The following HCLS1 variants were observed in gnomAD, a reference collection of about 807,000 sequenced individuals.
HCLS1 encodes the protein hematopoietic cell-specific Lyn substrate 1, also known as hematopoietic lineage cell-specific protein.
HCLS1 carries 44 observed loss-of-function variants against 68.6 expected under a neutral mutation model. The ratio of observed to expected loss-of-function variants is 0.64; its 90% CI spans 0.50 to 0.82. The LOEUF (loss-of-function observed/expected upper bound fraction) is 0.82, where lower values mean the gene tolerates loss of function less well. Ranked by LOEUF, HCLS1 falls within the 40% of genes least tolerant of loss-of-function variation. The probability of loss-of-function intolerance (pLI) is 0.00; values close to 1 mark genes in which losing one functional copy is unlikely to be tolerated. For missense variants in HCLS1, 602 were observed against 612.1 expected, an observed-to-expected ratio of 0.98 and a Z score of 0.17; for synonymous variants, 217 against 225.8, an observed-to-expected ratio of 0.96 and a Z score of 0.35.
At chr3:121,635,237 T>TTCTCTCTCTCTCTCTCTCTCTC (rs201290743) in intron 9 of HCLS1, among the ~76,000 whole-genome samples, 137 of 114,440 alleles carry the variant, frequency 1.2e-3, no homozygotes, top group South Asian at 2.2e-3. Flanking sequence ...TCTCTCCCTT[T>TTCTCTCTCTCTCTCTCTCTCTC]TCTCTCTCTC....
At position 121,631,953 on chromosome 3, in the gene HCLS1, C is replaced by T. The variant is rs202175021; in HGVS notation, c.1354G>A (p.Asp452Asn). Residue 452 changes from aspartate (D) to asparagine (N), a missense_variant, in exon 14 of 14, where the codon GAC (aspartate) becomes AAC (asparagine). Physicochemically the swap from Asp to Asn is conservative, Grantham distance 23 (BLOSUM62 1). Transcript: ENST00000314583. ...EGSDELSFDP[D>N]DVITDIEMVD... ...ATCTCAATGTCAGTGATTACGTCGTCCGGATCAAAGGAAAGCTCATCACTT... is the reference window on the plus strand; with the variant it reads ...ATCTCAATGTCAGTGATTACGTCGTTCGGATCAAAGGAAAGCTCATCACTT... The T allele has an allele frequency of 6.2e-7, 1 of 1,614,204 alleles. No homozygotes were observed. Among genetic ancestry groups the T allele is most frequent in the African/African-American group, 1.3e-5 (1 of 75,060 alleles).
chr3:121,649,251 A>ATTG (rs1478296396), intron 3 of HCLS1, among the ~76,000 whole-genome samples: 1 of 151,940 alleles, frequency 6.6e-6, no homozygotes, highest in African/African-American at 2.4e-5. Flanking sequence ...TATTATTATT[A>ATTG]TTGAGACAGA....
chr3:121,639,563 T>TTG (rs1560139292), intron 6 of HCLS1, among the ~76,000 whole-genome samples: 13 of 146,528 alleles, frequency 8.9e-5, no homozygotes, highest in East Asian at 4.0e-4. Context: ...TGTTGTTGTT[T>TTG]TTTGAGACAG....
At chr3:121,657,514 T>C (rs1212606489) in intron 2 of HCLS1, among the ~76,000 whole-genome samples, 162 bp from the exon 3 acceptor site, 3 of 152,200 alleles carry the variant, frequency 2.0e-5, no homozygotes, top group East Asian at 3.9e-4. Context: ...CCTGACCCCA[T>C]GTAAGAATTA....
At chr3:121,653,699 G>A (rs1459442749) in intron 3 of HCLS1, 1 of 152,192 alleles carries the variant, frequency 6.6e-6, no homozygotes, top group Non-Finnish European at 1.5e-5. Flanking sequence ...CTATACTCTT[G>A]GCATTACACC....
rs572922480 is a variant in HCLS1, at chr3:121,647,952, G to A, written c.159-504C>T. Among the ~76,000 whole-genome samples the A allele has an allele frequency of 1.2e-4, 19 of 152,236 alleles. No individual in the cohort carries two copies. In the South Asian group the frequency reaches 1.9e-3, roughly 15 times the overall value. On this transcript the variant is annotated intron_variant, in intron 3 of 13. Coordinates refer to ENST00000314583, the MANE Select transcript of HCLS1 (RefSeq NM_005335.6). ...TCTAAATGATACTCATTGAAGCATC[G>A]TATATAATAGCAATAACTAAGAAAC...
In HCLS1 at chr3:121,632,704, A is replaced by G. The variant is rs530842399; in HGVS notation, c.1009-141T>C. On this transcript the variant is annotated intron_variant, in intron 11 of 13. Transcript: ENST00000314583. ...TCCATCTAACAGCCTCTCCTGGGGAACACAGCCTTTCATCCATCTTCATTC... is the reference window on the plus strand; with the variant it reads ...TCCATCTAACAGCCTCTCCTGGGGAGCACAGCCTTTCATCCATCTTCATTC... 110 of 690,962 alleles carry G rather than the reference A, an allele frequency of 1.6e-4. No individual in the cohort carries two copies. The South Asian group carries it at 2.0e-3, about 13-fold the overall frequency. The allele number at this position is 690,962 out of a possible 1,614,324, so 42.8% of individuals were successfully genotyped here. A position where few individuals can be genotyped will look rare whatever the true frequency, so the allele number is the denominator to read the frequency against.
chr3:121,649,646 A>C (rs556608997), intron 3 of HCLS1, among the ~76,000 whole-genome samples: 1 of 152,226 alleles, frequency 6.6e-6, no homozygotes, highest in African/African-American at 2.4e-5. Flanking sequence ...ATGTATGGAG[A>C]TAGAGGACAG....
chr3:121,640,046 A>C, intron 6 of HCLS1, among the ~76,000 whole-genome samples: 1 of 152,170 alleles, frequency 6.6e-6, no homozygotes, highest in East Asian at 1.9e-4. Flanking sequence ...GAGAAAAAAC[A>C]CAAGTAAGTA....
At chr3:121,632,029 CT>C (rs1339979830) in intron 13 of HCLS1, 47 bp from the exon 14 acceptor site, 3 of 1,613,884 alleles carry the variant, frequency 1.9e-6, no homozygotes, top group East Asian at 2.2e-5. Context: ...ACATGAATCT[CT>C]TTTCACATGT....
At chr3:121,632,676 G>C in intron 11 of HCLS1, 113 bp from the exon 12 acceptor site, 1 of 870,316 alleles carries the variant, frequency 1.1e-6, no homozygotes, top group Non-Finnish European at 1.8e-6. Flanking sequence ...CTCTACCCTT[G>C]CCTCCATCTA....
At chr3:121,644,559 GCT>G in intron 5 of HCLS1, 5 of 591,124 alleles carry the variant, frequency 8.5e-6, no homozygotes, top group Non-Finnish European at 1.3e-5. Flanking sequence ...AAAACCAGTG[GCT>G]TGAGGAATTA....
At chr3:121,634,466 G>A in intron 9 of HCLS1, 48 bp from the exon 10 acceptor site, 1 of 1,572,234 alleles carries the variant, frequency 6.4e-7, no homozygotes, top group Non-Finnish European at 8.8e-7. Context: ...ATTGGAGAGT[G>A]GGGAAGGGCA....
intron 4 of HCLS1, among the ~76,000 whole-genome samples, chr3:121,645,481 A>G (rs1209258409): frequency 6.6e-6 from 1 of 151,942 alleles, no homozygotes; most frequent in Non-Finnish European, 1.5e-5. Context: ...ATAAAATAAT[A>G]AAGAGAAGTT....
chr3:121,637,657 C>T lies in HCLS1; in HGVS notation c.455-401G>A, dbSNP rs557550651. 3.3e-5 allele frequency among the ~76,000 whole-genome samples: 5 copies of T among 152,234 alleles called. No individual in the cohort carries two copies. The South Asian group carries it at 1.0e-3, about 32-fold the overall frequency. ...TGTGTTTTAAAGAGTGAAGCTCAGG[C>T]CGAGCACGGTGCTCATGCCTGTAAT... On this transcript the variant is annotated intron_variant, in intron 6 of 13. Coordinates refer to ENST00000314583, the MANE Select transcript of HCLS1 (RefSeq NM_005335.6).
In HCLS1 at chr3:121,632,647, C is replaced by T. The variant is rs975047543; in HGVS notation, c.1009-84G>A. Reference sequence around the variant, plus strand: ...GACTGATAAGATCCCCCGCCCTTCACCACCCTGCCTCTTCTCCCCTCTACC... The same window carrying T: ...GACTGATAAGATCCCCCGCCCTTCATCACCCTGCCTCTTCTCCCCTCTACC... On this transcript the variant is annotated intron_variant, in intron 11 of 13. Coordinates refer to ENST00000314583, the MANE Select transcript of HCLS1 (RefSeq NM_005335.6). 1.2e-5 allele frequency: 15 copies of T among 1,216,184 alleles called. 1 individual carries two copies. Among genetic ancestry groups the T allele is most frequent in the Non-Finnish European group, 3.5e-6 (3 of 855,390 alleles). 75.3% of individuals were successfully genotyped at this position (1,216,184 alleles called of 1,614,324 possible).
rs1183075053 is a variant in HCLS1, at chr3:121,633,087, T to C, written c.988A>G (p.Ile330Val). Residue 330 changes from isoleucine (I) to valine (V), a missense_variant, in exon 11 of 14, where the codon ATT becomes GTT. Physicochemically the swap from Ile to Val is conservative, Grantham distance 29 (BLOSUM62 3). Coordinates refer to ENST00000314583, the MANE Select transcript of HCLS1 (RefSeq NM_005335.6). The part of the protein sequence containing the change: ...SREHPVPLLP[I>V]RQTLPEDNEE... Reference sequence around the variant, plus strand: ...CTTACCTCCGGGAGAGTCTGCCTAATGGGCAGCAAGGGCACTGGGTGTTCC... The same window carrying C: ...CTTACCTCCGGGAGAGTCTGCCTAACGGGCAGCAAGGGCACTGGGTGTTCC... 6.2e-6 allele frequency: 10 copies of C among 1,612,202 alleles called. No homozygotes were observed. Among genetic ancestry groups the C allele is most frequent in the South Asian group, 4.4e-5 (4 of 90,940 alleles).
chr3:121,644,539 G>A lies in HCLS1; in HGVS notation c.399+279C>T, dbSNP rs79916774. 5.6e-3 allele frequency: 2,978 copies of A among 532,328 alleles called. 85 individuals carry two copies. The highest frequency in any genetic ancestry group is 0.052 in the African/African-American group (2,779 of 53,580). The allele number at this position is 532,328 out of a possible 1,614,324, so 33.0% of individuals were successfully genotyped here. Reference sequence around the variant, plus strand: ...TTCTCTGTTCTATCTTCATGCATATGAGTATAATAAAAACCAGTGGCTTGA... The same window carrying A: ...TTCTCTGTTCTATCTTCATGCATATAAGTATAATAAAAACCAGTGGCTTGA... On this transcript the variant is annotated intron_variant, in intron 5 of 13. Coordinates refer to ENST00000314583, the MANE Select transcript of HCLS1 (RefSeq NM_005335.6).
chr3:121,640,813 AG>A, intron 6 of HCLS1, among the ~76,000 whole-genome samples: 8 of 16,666 alleles, frequency 4.8e-4, no homozygotes, highest in East Asian at 4.4e-3. Context: ...AGGGGAGGGG[AG>A]GGCAGGGGAG....
Sources: gnomAD v4.1 joint callset for allele counts (sites outside exome capture counted in the v4.1 genomes callset) on GRCh38, gnomAD v4.1.1 for gene constraint, MANE v1.5 for transcripts, NCBI Gene and HGNC (gene_info 2026-07-23, HGNC 2026-07-21) for gene names.